MTSS1: variants seen among roughly 807,000 people sequenced by gnomAD.
MTSS1 encodes the protein protein MTSS 1.
MTSS1 carries 18 observed loss-of-function variants against 79.0 expected under a neutral mutation model. The observed-to-expected ratio is 0.23, with a 90% CI of 0.16 to 0.34. The LOEUF is 0.34. Among genes scored for constraint, MTSS1 ranks in the 10% least tolerant of loss-of-function variants. The probability of loss-of-function intolerance (pLI) is 1.00; values close to 1 mark genes in which losing one functional copy is unlikely to be tolerated. For missense variants in MTSS1, 815 were observed against 986.2 expected (o/e 0.83, Z 2.33); for synonymous variants, 341 against 368.6 (o/e 0.93, Z 0.86).
At chr8:124,662,274 C>G (rs974333112) in intron 3 of MTSS1, among the ~76,000 whole-genome samples, 2 of 152,204 alleles carry the variant, frequency 1.3e-5, no homozygotes, top group Non-Finnish European at 2.9e-5. Flanking sequence ...AGCTGCCTAT[C>G]TGGTTTCTTG....
intron 3 of MTSS1, among the ~76,000 whole-genome samples, chr8:124,655,773 G>A (rs1002075700): frequency 5.9e-5 from 9 of 152,134 alleles, no homozygotes; most frequent in African/African-American, 1.2e-4. Context: ...GAGGATGTGG[G>A]AGAAAGGGTA....
At chr8:124,659,408 T>C (rs1378404062) in intron 3 of MTSS1, among the ~76,000 whole-genome samples, 1 of 152,204 alleles carries the variant, frequency 6.6e-6, no homozygotes, top group African/African-American at 2.4e-5. Context: ...ATATAGGGTA[T>C]GCCTTTAGCT....
chr8:124,572,749 T>C (rs865836954), intron 6 of MTSS1, among the ~76,000 whole-genome samples: 8 of 131,506 alleles, frequency 6.1e-5, no homozygotes, highest in East Asian at 2.6e-4. Flanking sequence ...TTTTCTTTTT[T>C]TTTTTTTTTT....
At position 124,727,508 on chromosome 8, in the gene MTSS1, A is replaced by T. The variant is rs891542; in HGVS notation, c.72+376T>A. The T allele has an allele frequency of 2.2e-6, 1 of 461,766 alleles. No individual in the cohort carries two copies. Among genetic ancestry groups the T allele is most frequent in the Admixed American group, 2.4e-5 (1 of 42,330 alleles). 28.6% of individuals were successfully genotyped at this position (461,766 alleles called of 1,614,324 possible). On this transcript the variant is annotated intron_variant, in intron 1 of 13. Transcript: ENST00000518547. This position sits in a 1 kb window ranked among gnomAD's most constrained non-coding sequence, Gnocchi z 4.7. ...CCAGGCGCCCCCACCCCGTGCCCGG[A>T]GGAATCAGGTGTCCTCCCGGGCATC... is the stretch of plus-strand genomic sequence containing the variant.
At chr8:124,709,420 A>G (rs1249958077) in intron 1 of MTSS1, among the ~76,000 whole-genome samples, 1 of 152,192 alleles carries the variant, frequency 6.6e-6, no homozygotes, top group Admixed American at 6.5e-5. Context: ...TTCACCTGAG[A>G]ACACATAAAG....
At chr8:124,560,132 G>A (rs1439476363) in intron 10 of MTSS1, among the ~76,000 whole-genome samples, 1 of 152,176 alleles carries the variant, frequency 6.6e-6, no homozygotes, top group Non-Finnish European at 1.5e-5. Context: ...TAGCAGCCCA[G>A]GATTTGAAGA....
chr8:124,697,696 G>A (rs1829072211), intron 3 of MTSS1, among the ~76,000 whole-genome samples: 1 of 152,088 alleles, frequency 6.6e-6, no homozygotes, highest in South Asian at 2.1e-4. Flanking sequence ...AATACTATAG[G>A]CCCTGCAATG....
chr8:124,688,209 G>A (rs971123147), intron 3 of MTSS1, among the ~76,000 whole-genome samples: 2 of 151,930 alleles, frequency 1.3e-5, no homozygotes, highest in African/African-American at 4.8e-5. Flanking sequence ...TATGTTGTGT[G>A]TATATATGCG....
chr8:124,642,275 TTCAC>T (rs1426309000), intron 3 of MTSS1, among the ~76,000 whole-genome samples: 1 of 152,194 alleles, frequency 6.6e-6, no homozygotes, highest in Non-Finnish European at 1.5e-5. Flanking sequence ...AGATAAAGCT[TTCAC>T]TCACTGTAAA....
intron 3 of MTSS1, among the ~76,000 whole-genome samples, chr8:124,688,347 TTG>T (rs34566097): frequency 2.6e-5 from 4 of 151,228 alleles, no homozygotes; most frequent in Admixed American, 6.6e-5. Context: ...TGTATGTGTG[TTG>T]TGTGTGTGTT....
intron 6 of MTSS1, among the ~76,000 whole-genome samples, chr8:124,581,287 C>CAAAAA (rs10616707): frequency 7.9e-5 from 8 of 100,914 alleles, no homozygotes; most frequent in South Asian, 3.1e-4. Flanking sequence ...GATGCTGACT[C>CAAAAA]AAAAAAAAAA....
chr8:124,558,757 C>G (rs1199308930), intron 10 of MTSS1: 1 of 1,584,182 alleles, frequency 6.3e-7, no homozygotes, highest in Non-Finnish European at 8.5e-7. Context: ...CCCGAGCTGA[C>G]AGAGGTGGGG....
chr8:124,590,882 C>T (rs568982682), intron 4 of MTSS1, among the ~76,000 whole-genome samples: 3 of 152,296 alleles, frequency 2.0e-5, no homozygotes, highest in South Asian at 2.1e-4. Context: ...CAGGCTGCAC[C>T]GGCTCCTTGC....
chr8:124,611,620 A>G (rs1219203660), intron 3 of MTSS1, among the ~76,000 whole-genome samples: 1 of 152,148 alleles, frequency 6.6e-6, no homozygotes, highest in African/African-American at 2.4e-5. Flanking sequence ...TTTAGATACC[A>G]TCGGCATCTT....
chr8:124,705,692 C>A (rs1400443557), intron 1 of MTSS1, among the ~76,000 whole-genome samples: 1 of 152,174 alleles, frequency 6.6e-6, no homozygotes, highest in Admixed American at 6.5e-5. Context: ...CTGTCTAAAA[C>A]TGCAACCCAG....
intron 3 of MTSS1, among the ~76,000 whole-genome samples, chr8:124,682,945 G>A (rs961408127): frequency 6.6e-6 from 1 of 152,138 alleles, no homozygotes. Context: ...TCTGAACCAG[G>A]CATAACCATT....
At chr8:124,562,640 A>G (rs1268384421) in intron 10 of MTSS1, 142 bp downstream of exon 10, 3 of 809,554 alleles carry the variant, frequency 3.7e-6, no homozygotes, top group East Asian at 2.6e-5. Flanking sequence ...CAATACATCT[A>G]AAGATGAGAA....
At chr8:124,592,599 C>T (rs1029473017) in intron 3 of MTSS1, among the ~76,000 whole-genome samples, 2 of 152,180 alleles carry the variant, frequency 1.3e-5, no homozygotes, top group Non-Finnish European at 2.9e-5. Flanking sequence ...TTTTCCATTT[C>T]ATTTTGCAAA....
chr8:124,555,646 AGTGGTGGGTT>A (rs2131741354), intron 13 of MTSS1, 86 bp downstream of exon 13: 1 of 1,343,580 alleles, frequency 7.4e-7, no homozygotes, highest in African/African-American at 1.5e-5. Flanking sequence ...TTAGTTAGCG[AGTGGTGGGTT>A]GTGGTTAAAA....
Sources: allele counts gnomAD v4.1 joint callset (sites outside exome capture counted in the v4.1 genomes callset), GRCh38; gene constraint gnomAD v4.1.1; non-coding constraint Gnocchi (gnomAD v3.1); transcripts MANE v1.5; gene names NCBI Gene and HGNC (gene_info 2026-07-23, HGNC 2026-07-21).